The following BACH2 variants were observed in gnomAD, a reference collection of about 807,000 sequenced individuals.
BACH2 encodes BACH transcriptional regulator 2.
Under a neutral mutation model 61.8 loss-of-function variants are expected in BACH2, and 5 were observed. The observed-to-expected ratio is 0.08, with a 90% CI of 0.04 to 0.17. The LOEUF is 0.17. BACH2 is among the 10% of genes least tolerant of loss of function. BACH2 has a pLI of 1.00. For synonymous variants in BACH2, 446 were observed against 440.1 expected, an observed-to-expected ratio of 1.01 and a Z score of -0.17; for missense variants, 824 against 1,091.1, an observed-to-expected ratio of 0.76 and a Z score of 3.45.
intron 4 of BACH2, among the ~76,000 whole-genome samples, chr6:90,153,122 G>A (rs372370341): frequency 1.3e-5 from 2 of 152,158 alleles, no homozygotes; most frequent in African/African-American, 4.8e-5. Context: ...GCTCCTCCAT[G>A]AAGATAAGGA....
chr6:90,126,078 C>T (rs1452515995), intron 4 of BACH2, among the ~76,000 whole-genome samples: 1 of 152,128 alleles, frequency 6.6e-6, no homozygotes, highest in East Asian at 1.9e-4. Flanking sequence ...GGGATATGAA[C>T]AGGTGGAATA....
chr6:89,939,682 T>G (rs1773292402), intron 7 of BACH2, among the ~76,000 whole-genome samples: 3 of 103,404 alleles, frequency 2.9e-5, no homozygotes, highest in South Asian at 3.2e-4. Context: ...TTTTTTTTTT[T>G]GAGACAGGGT....
Position 89,951,244 on chromosome 6 carries a change from T to C in BACH2, c.862A>G (p.Ser288Gly). ...TCTCCAGACAGGCAGAGCGTGATGCTCTCTTCCTCATTCTCTTCACTGGGC... is the reference window on the plus strand; with the variant it reads ...TCTCCAGACAGGCAGAGCGTGATGCCCTCTTCCTCATTCTCTTCACTGGGC... ...EPPSEENEEE[S>G]ITLCLSGDEP... The change falls in exon 7 of 9, where the codon AGC (serine) becomes GGC (glycine). Residue 288 changes from serine to glycine, a missense_variant. Physicochemically the swap from Ser to Gly is moderately conservative, Grantham distance 56. This residue lies in a region of BACH2 where 226 missense variants were observed against 228.5 expected (regional missense o/e 0.99). Transcript: ENST00000257749. This position sits in a 1 kb window ranked among gnomAD's most constrained non-coding sequence, Gnocchi z 6.4. The C allele has an allele frequency of 1.9e-6, 3 of 1,614,058 alleles. No homozygotes were observed. Among genetic ancestry groups the C allele is most frequent in the Non-Finnish European group, 1.7e-6 (2 of 1,180,018 alleles).
At chr6:90,116,613 A>G (rs1783411519) in intron 4 of BACH2, 2 of 236,182 alleles carry the variant, frequency 8.5e-6, no homozygotes, top group South Asian at 1.7e-4. Context: ...AACCTAAAAT[A>G]AAAATTAAAA....
chr6:90,063,468 G>C (rs1780790339), intron 5 of BACH2, among the ~76,000 whole-genome samples: 1 of 152,162 alleles, frequency 6.6e-6, no homozygotes. Flanking sequence ...AAGGCCAAAT[G>C]ATGTGCATAT....
chr6:89,938,170 T>C lies in BACH2; in HGVS notation c.2017A>G (p.Asn673Asp). ...CRKRKLDCIQ[N>D]LECEIRKLVC... ...AATTTGCGGATTTCACATTCTAAAT[T>C]CTGAATACAGTCCAGTTTCCTTTTG... Residue 673 changes from asparagine (N) to aspartate (D), a missense_variant, in exon 8 of 9, where the codon AAT becomes GAT. This residue lies in a region of BACH2 where 160 missense variants were observed against 283.5 expected (regional missense o/e 0.56). Transcript: ENST00000257749. 1 of 1,613,974 alleles carries C rather than the reference T, an allele frequency of 6.2e-7. No individual in the cohort carries two copies. The highest frequency in any genetic ancestry group is 8.5e-7 in the Non-Finnish European group (1 of 1,179,804).
At chr6:90,082,149 C>A (rs1781751978) in intron 5 of BACH2, among the ~76,000 whole-genome samples, 1 of 152,146 alleles carries the variant, frequency 6.6e-6, no homozygotes, top group South Asian at 2.1e-4. Context: ...ATGGGAAGAT[C>A]TGGCTAACTC....
chr6:90,194,398 A>G (rs996054032), intron 4 of BACH2, among the ~76,000 whole-genome samples: 1 of 152,192 alleles, frequency 6.6e-6, no homozygotes, highest in African/African-American at 2.4e-5. Context: ...TATAGTTCAA[A>G]ATACCTCAAA....
chr6:90,199,636 G>A (rs1445245105), intron 4 of BACH2, among the ~76,000 whole-genome samples: 3 of 152,172 alleles, frequency 2.0e-5, no homozygotes, highest in East Asian at 1.9e-4. Flanking sequence ...TACAAGGCAG[G>A]TGGAGACAGA....
chr6:90,203,717 C>G (rs964899211), intron 4 of BACH2, among the ~76,000 whole-genome samples: 1 of 152,172 alleles, frequency 6.6e-6, no homozygotes, highest in Non-Finnish European at 1.5e-5. Flanking sequence ...TCCACGTACA[C>G]TAACATATTC....
chr6:90,258,307 T>C (rs1771049583), intron 2 of BACH2, among the ~76,000 whole-genome samples: 1 of 152,204 alleles, frequency 6.6e-6, no homozygotes, highest in African/African-American at 2.4e-5. Context: ...CTTAACATCC[T>C]ATCAAAGAGA....
chr6:90,040,113 C>G (rs1779462946), intron 5 of BACH2, among the ~76,000 whole-genome samples: 1 of 148,540 alleles, frequency 6.7e-6, no homozygotes, highest in African/African-American at 2.5e-5. Flanking sequence ...TTATGACTTT[C>G]CCTTTGTGGT....
At chr6:90,104,659 T>C (rs1344747526) in intron 4 of BACH2, among the ~76,000 whole-genome samples, 2 of 152,202 alleles carry the variant, frequency 1.3e-5, no homozygotes, top group Non-Finnish European at 2.9e-5. Flanking sequence ...CCAGGGTCAG[T>C]GTATGCCCTT....
intron 6 of BACH2, among the ~76,000 whole-genome samples, chr6:89,987,778 G>C (rs139449872): frequency 6.6e-6 from 1 of 152,090 alleles, no homozygotes; most frequent in Non-Finnish European, 1.5e-5. Flanking sequence ...TTCCAAATTG[G>C]ATGGGGCCTG....
intron 4 of BACH2, among the ~76,000 whole-genome samples, chr6:90,151,753 G>A (rs1006476547): frequency 6.6e-6 from 1 of 152,208 alleles, no homozygotes; most frequent in African/African-American, 2.4e-5. Flanking sequence ...AATCTGTAGT[G>A]TCCCAACTCC....
chr6:90,236,418 G>A (rs375106277), intron 3 of BACH2, among the ~76,000 whole-genome samples: 2 of 152,188 alleles, frequency 1.3e-5, no homozygotes, highest in African/African-American at 2.4e-5. Flanking sequence ...CTTGGGAAGC[G>A]AACAGTTTAC....
At chr6:90,220,930 C>A (rs979181508) in intron 3 of BACH2, among the ~76,000 whole-genome samples, 1 of 152,170 alleles carries the variant, frequency 6.6e-6, no homozygotes, top group African/African-American at 2.4e-5. Flanking sequence ...GCCTGGGCCC[C>A]TTTCCTCCAG....
intron 5 of BACH2, among the ~76,000 whole-genome samples, chr6:90,047,608 G>A (rs1416924411): frequency 6.6e-6 from 1 of 152,116 alleles, no homozygotes; most frequent in Admixed American, 6.5e-5. Flanking sequence ...TTTGAAAGCC[G>A]TGGCTGTCTT....
At chr6:90,051,636 A>G (rs1448576770) in intron 5 of BACH2, among the ~76,000 whole-genome samples, 1 of 152,152 alleles carries the variant, frequency 6.6e-6, no homozygotes, top group Non-Finnish European at 1.5e-5. Context: ...TACCCTACAT[A>G]GTATTTACAA....
Sources: gnomAD v4.1 joint callset for allele counts (sites outside exome capture counted in the v4.1 genomes callset) on GRCh38, gnomAD v4.1.1 for gene constraint, gnomAD v4.1.1 regional missense constraint, Gnocchi (gnomAD v3.1) non-coding constraint, MANE v1.5 for transcripts, NCBI Gene and HGNC (gene_info 2026-07-23, HGNC 2026-07-21) for gene names.